The following NCAPG2 variants were observed in gnomAD, a reference collection of about 807,000 sequenced individuals.
The protein encoded by NCAPG2 is non-SMC condensin II complex subunit G2.
A neutral mutation model predicts 141.1 loss-of-function variants in NCAPG2; 53 were observed. The observed-to-expected ratio is 0.38, with a 90% CI of 0.30 to 0.47. NCAPG2 has a LOEUF of 0.47. NCAPG2 is among the 20% of genes least tolerant of loss of function. The pLI is 0.99. For missense variants in NCAPG2, 1,087 were observed against 1,389.0 expected (o/e 0.78, Z 3.46); for synonymous variants, 499 against 490.7 (o/e 1.02, Z -0.22).
intron 11 of NCAPG2, among the ~76,000 whole-genome samples, chr7:158,676,059 G>A (rs1834032047): frequency 6.6e-6 from 1 of 152,142 alleles, no homozygotes; most frequent in Non-Finnish European, 1.5e-5. Flanking sequence ...ACTAATCCAG[G>A]CCATGATCGT....
intron 26 of NCAPG2, among the ~76,000 whole-genome samples, chr7:158,644,946 A>G (rs188825985): frequency 1.3e-5 from 2 of 152,348 alleles, no homozygotes; most frequent in East Asian, 3.9e-4. Flanking sequence ...AATAATTTCA[A>G]CGTTAGTAAA....
chr7:158,678,732 TAA>T (rs34490108), intron 11 of NCAPG2, among the ~76,000 whole-genome samples: 44,855 of 145,672 alleles, frequency 0.31, 6,927 homozygotes, highest in Admixed American at 0.4. Context: ...AAGGAATCTT[TAA>T]AAAAAAAAAA....
chr7:158,656,645 G>A lies in NCAPG2; in HGVS notation c.2121C>T (p.Cys707=), dbSNP rs1395554185. ...REEGAVDKSY[C]TLLDCLCSWG... ...AGGAGCAGAGGCAATCCAACAAAGT[G>A]CAGTAGCTCTTGTCCACAGCGCCCT... is the stretch of plus-strand genomic sequence containing the variant. Residue 707 remains cysteine (C), a synonymous_variant, in exon 18 of 28, where the codon TGC becomes TGT. Transcript: ENST00000356309. 4 of 1,614,150 alleles carry A rather than the reference G, an allele frequency of 2.5e-6. No individual in the cohort carries two copies. Among genetic ancestry groups the A allele is most frequent in the South Asian group, 2.2e-5 (2 of 91,076 alleles).
rs1563538456 is a variant in NCAPG2 at position 158,667,343 on chromosome 7, CCGCT to C, written c.1480-2597_1480-2594del. 21 of 112,136 alleles carry C rather than the reference CCGCT, an allele frequency of 1.9e-4. 2 individuals are homozygous for C. Among genetic ancestry groups the C allele is most frequent in the South Asian group, 8.6e-4 (2 of 2,326 alleles). 6.9% of individuals were successfully genotyped at this position (112,136 alleles called of 1,614,324 possible). On this transcript the variant is annotated intron_variant, in intron 13 of 27. Transcript: ENST00000356309. ...TGTGTCCCTCCGCTACTGTGTCCCT[CCGCT>C]CCTTAGCCACTACCGGATCCCTCCG...
At chr7:158,701,685 G>T in intron 2 of NCAPG2, 137 bp downstream of exon 2, 1 of 794,022 alleles carries the variant, frequency 1.3e-6, no homozygotes, top group Non-Finnish European at 2.0e-6. Flanking sequence ...AAAGGGTTTT[G>T]TTTTCTTCTT....
In NCAPG2 at chr7:158,667,253, A is replaced by G; in HGVS notation, c.1480-2503T>C. 5 of 983,758 alleles carry G rather than the reference A, an allele frequency of 5.1e-6. No homozygotes were observed. In the South Asian group the frequency reaches 2.3e-4, roughly 46 times the overall value. The allele number at this position is 983,758 out of a possible 1,614,324, so 60.9% of individuals were successfully genotyped here. On this transcript the variant is annotated intron_variant, in intron 13 of 27. Coordinates refer to ENST00000356309, the MANE Select transcript of NCAPG2 (RefSeq NM_017760.7). ...TGGCGCCCAAACTTCCTGGTGGGCC[A>G]GAGACCCTGTGTCCCTCCGCCTCCC...
At chr7:158,635,876 C>T (rs550428006) in intron 27 of NCAPG2, among the ~76,000 whole-genome samples, 1 of 152,272 alleles carries the variant, frequency 6.6e-6, no homozygotes, top group East Asian at 1.9e-4. Flanking sequence ...TGTCTCTAGT[C>T]CAACGTTAAA....
At chr7:158,690,974 G>A (rs990564187) in intron 4 of NCAPG2, among the ~76,000 whole-genome samples, 1 of 152,048 alleles carries the variant, frequency 6.6e-6, no homozygotes, top group Non-Finnish European at 1.5e-5. Flanking sequence ...TTTGGAACTG[G>A]AAGTCTCAGA....
intron 4 of NCAPG2, 33 bp downstream of exon 4, chr7:158,692,809 C>G: frequency 8.1e-7 from 1 of 1,236,696 alleles, no homozygotes; most frequent in Non-Finnish European, 1.2e-6. Flanking sequence ...ACACCCACTT[C>G]TAAATATGCC....
Position 158,648,536 on chromosome 7 carries a change from C to CGACAACCACGGCAAATGGAT in NCAPG2, c.3076-1974_3076-1973insATCCATTTGCCGTGGTTGTC, listed in dbSNP as rs1587092320. Among the ~76,000 whole-genome samples, 9 of 146,700 alleles carry CGACAACCACGGCAAATGGAT rather than the reference C, an allele frequency of 6.1e-5. 1 individual carries two copies. In the East Asian group the frequency reaches 1.8e-3, roughly 30 times the overall value. The stretch of plus-strand genomic sequence containing the variant: ...ATGGACTATAACCACGCCAAATGGA[C>CGACAACCACGGCAAATGGAT]GACAACCACGGCAAATGGACGACAA... On this transcript the variant is annotated intron_variant, in intron 24 of 27. Transcript: ENST00000356309.
intron 27 of NCAPG2, among the ~76,000 whole-genome samples, chr7:158,638,377 C>T (rs1460151486): frequency 6.6e-6 from 1 of 152,088 alleles, no homozygotes; most frequent in Non-Finnish European, 1.5e-5. Context: ...GTAGCTGGGA[C>T]TATAGGCACA....
rs1172584222 is a variant in NCAPG2 at position 158,680,857 on chromosome 7, A to C, written c.925-41T>G. The C allele has an allele frequency of 2.9e-6, 4 of 1,385,146 alleles. No homozygotes were observed. The South Asian group carries it at 3.9e-5, about 13-fold the overall frequency. 85.8% of individuals were successfully genotyped at this position (1,385,146 alleles called of 1,614,324 possible). A position where few individuals can be genotyped will look rare whatever the true frequency, so the allele number is the denominator to read the frequency against. ...AGGAAAAGGAAGGCATTAACAAAAA[A>C]ATAAATAAATAAAATAAAATGGCAT... On this transcript the variant is annotated intron_variant, in intron 9 of 27. Transcript: ENST00000356309.
At chr7:158,689,163 T>G (rs1190765547) in intron 6 of NCAPG2, among the ~76,000 whole-genome samples, 2 of 152,212 alleles carry the variant, frequency 1.3e-5, no homozygotes, top group Non-Finnish European at 2.9e-5. Flanking sequence ...AGAAGATTAA[T>G]TTTAATAATA....
At chr7:158,692,707 C>T in intron 4 of NCAPG2, 135 bp downstream of exon 4, 1 of 689,818 alleles carries the variant, frequency 1.4e-6, no homozygotes. Flanking sequence ...CGCCATTGCA[C>T]TCCTGCCTAG....
At chr7:158,703,565 A>G (rs1272973969) in intron 1 of NCAPG2, 1 of 152,170 alleles carries the variant, frequency 6.6e-6, no homozygotes, top group Non-Finnish European at 1.5e-5. Flanking sequence ...CAAAGTGGCA[A>G]TATTCCATGT....
chr7:158,647,697 C>CTT lies in NCAPG2; in HGVS notation c.3076-1136_3076-1135dup, dbSNP rs200623735. On this transcript the variant is annotated intron_variant, in intron 24 of 27. Coordinates refer to ENST00000356309, the MANE Select transcript of NCAPG2 (RefSeq NM_017760.7). ...ATTTAGGCATGACTAAACAACACTGCTTTTTTTTTTTTAAGAGACATAGTC... is the reference window on the plus strand; with the variant it reads ...ATTTAGGCATGACTAAACAACACTGCTTTTTTTTTTTTTTAAGAGACATAGTC... Among the ~76,000 whole-genome samples, 11 of 145,330 alleles carry CTT rather than the reference C, an allele frequency of 7.6e-5. 1 individual carries two copies. The highest frequency in any genetic ancestry group is 6.9e-4 in the Admixed American group (10 of 14,512).
chr7:158,701,335 A>G (rs961185072), intron 2 of NCAPG2, among the ~76,000 whole-genome samples: 2 of 152,210 alleles, frequency 1.3e-5, no homozygotes, highest in African/African-American at 4.8e-5. Context: ...AAGGCAAACC[A>G]TATTTTTCTC....
chr7:158,658,708 A>C (rs1415770233), intron 16 of NCAPG2, among the ~76,000 whole-genome samples: 1 of 152,252 alleles, frequency 6.6e-6, no homozygotes, highest in Non-Finnish European at 1.5e-5. Flanking sequence ...AAGCAGGATA[A>C]ACAAAATCAT....
chr7:158,692,881 TCTCA>T lies in NCAPG2; in HGVS notation c.339_342del (p.Ser113ArgfsTer13), dbSNP rs1835218267. ...ACACATTCCAGTAGGGCTTCGTAGT[TCTCA>T]CTTTCATTTATTACAGACACAGAAG... On this transcript the variant is annotated frameshift_variant, in exon 4 of 28. Transcript: ENST00000356309. LOFTEE classifies it high-confidence loss of function. 6.3e-7 allele frequency: 1 copy of T among 1,591,876 alleles called. No individual in the cohort carries two copies. The highest frequency in any genetic ancestry group is 1.3e-5 in the African/African-American group (1 of 74,296).
Sources: allele counts gnomAD v4.1 joint callset (sites outside exome capture counted in the v4.1 genomes callset), GRCh38; gene constraint gnomAD v4.1.1; transcripts MANE v1.5; gene names NCBI Gene and HGNC (gene_info 2026-07-23, HGNC 2026-07-21).